WWOX: variants seen among roughly 807,000 people sequenced by gnomAD.
WWOX encodes the protein WW domain-containing oxidoreductase.
Under a neutral mutation model 46.2 loss-of-function variants are expected in WWOX, and 69 were observed. The ratio of observed to expected loss-of-function variants is 1.49; its 90% CI spans 1.23 to 1.82. WWOX has a LOEUF of 1.82. Ranked by LOEUF, WWOX falls within the 40% of genes most tolerant of loss-of-function variation. The pLI is 0.00. For missense variants in WWOX, 919 were observed against 542.6 expected, an observed-to-expected ratio of 1.69 and a Z score of -6.89; for synonymous variants, 359 against 202.6, an observed-to-expected ratio of 1.77 and a Z score of -6.56.
chr16:79,050,209 C>G (rs369540099), intron 8 of WWOX, among the ~76,000 whole-genome samples: 25 of 152,318 alleles, frequency 1.6e-4, no homozygotes, highest in African/African-American at 4.6e-4. Flanking sequence ...CCCTGCCCTA[C>G]TGGTCCTGCT....
At chr16:78,774,616 C>T (rs1011739996) in intron 8 of WWOX, among the ~76,000 whole-genome samples, 13 of 152,024 alleles carry the variant, frequency 8.6e-5, no homozygotes, top group Non-Finnish European at 1.5e-4. Context: ...TAGTTCCTGG[C>T]ACATGGCGTT....
In WWOX at chr16:78,633,254, T is replaced by G. The variant is rs373553836; in HGVS notation, c.1056+200502T>G. On this transcript the variant is annotated intron_variant, in intron 8 of 8. Coordinates refer to ENST00000566780, the MANE Select transcript of WWOX (RefSeq NM_016373.4). ...TCCATGCTAGGTGACAGAGCAAGAT[T>G]CCATCTCAAAACAAAACAAAACAAA... Among the ~76,000 whole-genome samples, 42 of 152,254 alleles carry G rather than the reference T, an allele frequency of 2.8e-4. No individual in the cohort carries two copies. In the South Asian group the frequency reaches 6.0e-3, roughly 22 times the overall value.
At chr16:78,883,754 A>G (rs1170279891) in intron 8 of WWOX, among the ~76,000 whole-genome samples, 3 of 152,058 alleles carry the variant, frequency 2.0e-5, no homozygotes, top group Non-Finnish European at 4.4e-5. Context: ...AAGTAATGCA[A>G]TAAGCGTACC....
intron 8 of WWOX, among the ~76,000 whole-genome samples, chr16:78,851,230 C>G (rs567821032): frequency 6.6e-6 from 1 of 152,246 alleles, no homozygotes; most frequent in South Asian, 2.1e-4. Context: ...TCTACAATAA[C>G]CAAATTCACA....
At chr16:78,611,878 T>G (rs1401546832) in intron 8 of WWOX, among the ~76,000 whole-genome samples, 1 of 152,232 alleles carries the variant, frequency 6.6e-6, no homozygotes, top group Admixed American at 6.5e-5. Context: ...GTGGCATTGC[T>G]TCTCTCATTC....
chr16:78,995,903 C>G (rs980184717), intron 8 of WWOX, among the ~76,000 whole-genome samples: 1 of 152,080 alleles, frequency 6.6e-6, no homozygotes, highest in African/African-American at 2.4e-5. Context: ...CATTTCCAAA[C>G]GATTTTGCGT....
At chr16:78,434,932 A>G (rs1342265425) in intron 8 of WWOX, among the ~76,000 whole-genome samples, 1 of 152,220 alleles carries the variant, frequency 6.6e-6, no homozygotes, top group Admixed American at 6.5e-5. Context: ...CTAAAATATA[A>G]AGTCAGGGTA....
intron 8 of WWOX, among the ~76,000 whole-genome samples, chr16:78,900,716 G>A (rs2044809793): frequency 6.6e-6 from 1 of 152,026 alleles, no homozygotes; most frequent in African/African-American, 2.4e-5. Flanking sequence ...TTGAATCAAT[G>A]GAATCATAAA....
intron 8 of WWOX, among the ~76,000 whole-genome samples, chr16:79,165,789 G>C (rs745347545): frequency 7.2e-5 from 11 of 152,142 alleles, no homozygotes; most frequent in Non-Finnish European, 1.6e-4. Context: ...AGGCAGGCTT[G>C]GCTTCTCCGA....
intron 8 of WWOX, chr16:78,996,100 C>G (rs980067100): frequency 1.7e-6 from 1 of 601,790 alleles, no homozygotes; most frequent in Non-Finnish European, 2.1e-6. Context: ...GAAATCAGAA[C>G]GTGGCCCCTT....
At chr16:78,875,778 C>A (rs1032789706) in intron 8 of WWOX, among the ~76,000 whole-genome samples, 1 of 152,180 alleles carries the variant, frequency 6.6e-6, no homozygotes, top group South Asian at 2.1e-4. Context: ...CTCTGCATGT[C>A]CTGGATAATC....
chr16:78,238,510 C>T (rs1357477415), intron 5 of WWOX, among the ~76,000 whole-genome samples: 1 of 152,030 alleles, frequency 6.6e-6, no homozygotes, highest in Non-Finnish European at 1.5e-5. Flanking sequence ...CCATGTTGGC[C>T]AGGCTGAATA....
chr16:78,605,328 A>G (rs1313045464), intron 8 of WWOX, among the ~76,000 whole-genome samples: 1 of 151,378 alleles, frequency 6.6e-6, no homozygotes, highest in Non-Finnish European at 1.5e-5. Context: ...GTCTTATATA[A>G]TCAATATTTA....
At chr16:78,102,823 T>G (rs1272028024) in intron 1 of WWOX, among the ~76,000 whole-genome samples, 1 of 152,134 alleles carries the variant, frequency 6.6e-6, no homozygotes, top group African/African-American at 2.4e-5. Context: ...AGCCATAAGA[T>G]GAGCCCCTGT....
At chr16:79,150,607 G>A (rs8052122) in intron 8 of WWOX, among the ~76,000 whole-genome samples, 57,669 of 152,016 alleles carry the variant, frequency 0.38, 12,578 homozygotes, top group African/African-American at 0.6. Flanking sequence ...AGAACCTCCA[G>A]TTTTTCTGGA....
chr16:78,835,415 A>G (rs2051951209), intron 8 of WWOX, among the ~76,000 whole-genome samples: 1 of 152,320 alleles, frequency 6.6e-6, no homozygotes, highest in East Asian at 1.9e-4. Context: ...AAATGACTTT[A>G]AAGGGGAAAT....
At chr16:78,371,364 A>AT (rs1313502615) in intron 5 of WWOX, among the ~76,000 whole-genome samples, 1 of 152,212 alleles carries the variant, frequency 6.6e-6, no homozygotes, top group Non-Finnish European at 1.5e-5. Context: ...GATGGCAGGA[A>AT]TTTGAAGTAT....
At position 78,618,958 on chromosome 16, in the gene WWOX, CTT is replaced by C. The variant is rs369947553; in HGVS notation, c.1056+186208_1056+186209del. The stretch of plus-strand genomic sequence containing the variant: ...CCCACTGCTGCTGCAAGAACAAAGA[CTT>C]TAAGATACTGAAATTTCTGGGCAAA... On this transcript the variant is annotated intron_variant, in intron 8 of 8. Transcript: ENST00000566780. Among the ~76,000 whole-genome samples, 116 of 149,878 alleles carry C rather than the reference CTT, an allele frequency of 7.7e-4. 3 individuals carry two copies. The highest frequency in any genetic ancestry group is 2.8e-3 in the African/African-American group (112 of 40,644).
intron 8 of WWOX, among the ~76,000 whole-genome samples, chr16:78,489,375 A>G (rs887809432): frequency 6.6e-6 from 1 of 152,138 alleles, no homozygotes; most frequent in Non-Finnish European, 1.5e-5. Context: ...TACTTGGCCA[A>G]ATATCCGAGT....
Sources: allele counts gnomAD v4.1 joint callset (sites outside exome capture counted in the v4.1 genomes callset), GRCh38; gene constraint gnomAD v4.1.1; transcripts MANE v1.5; gene names NCBI Gene and HGNC (gene_info 2026-07-23, HGNC 2026-07-21).